Variants in PRSS55 observed in about 807,000 individuals in gnomAD.
PRSS55 encodes probable serine protease UNQ9391/PRO34284.
PRSS55 carries 41 observed loss-of-function variants against 23.6 expected under a neutral mutation model. The ratio of observed to expected loss-of-function variants is 1.74; its 90% CI spans 1.35 to 2.26. PRSS55 has a LOEUF of 2.26. PRSS55 is among the 30% of genes most tolerant of loss of function. The pLI is 0.00. For missense variants in PRSS55, 669 were observed against 439.1 expected, an observed-to-expected ratio of 1.52 and a Z score of -4.68; for synonymous variants, 262 against 175.5, an observed-to-expected ratio of 1.49 and a Z score of -3.90.
At chr8:10,543,423 TCTTCCTTCCTTCCTTCCTTCCATC>T (rs1812717951), downstream of PRSS55, among the ~76,000 whole-genome samples, 1 of 71,472 alleles carries the variant, frequency 1.4e-5, no homozygotes, top group Non-Finnish European at 3.3e-5. Flanking sequence ...CTTCTTTCTT[TCTTCCTTCCTTCCTTCCTTCCATC>T]CTTCCTTCCT....
intron 1 of PRSS55, 169 bp from the exon 2 acceptor site, chr8:10,529,338 G>C: frequency 1.5e-6 from 1 of 670,592 alleles, no homozygotes; most frequent in Non-Finnish European, 2.7e-6. Context: ...CCATCTGCCG[G>C]CTGATGTCAC....
rs12547380 is a variant in PRSS55, at chr8:10,536,616, C to T, written c.742-1860C>T. ...GTAGCAAAGACATGGGATCAAACTA[C>T]ATGTCCTTCGATGGTGAACTGGATA... On this transcript the variant is annotated intron_variant, in intron 4 of 4. Coordinates refer to ENST00000328655, the MANE Select transcript of PRSS55 (RefSeq NM_198464.4). Among the ~76,000 whole-genome samples, 24 of 152,094 alleles carry T rather than the reference C, an allele frequency of 1.6e-4. No individual in the cohort carries two copies. In the South Asian group the frequency reaches 4.2e-3, roughly 26 times the overall value.
chr8:10,543,118 C>G (rs956174153), downstream of PRSS55, among the ~76,000 whole-genome samples: 3 of 152,088 alleles, frequency 2.0e-5, no homozygotes, highest in Admixed American at 2.0e-4. Context: ...ATGTGAGGCC[C>G]TCAACCCAGG....
At chr8:10,546,151 A>G (rs970376491) in intron 4 of PRSS55, among the ~76,000 whole-genome samples, 2 of 152,184 alleles carry the variant, frequency 1.3e-5, no homozygotes, top group Non-Finnish European at 2.9e-5. Flanking sequence ...GAAGCTGGCC[A>G]TGGCTCAAAA....
In PRSS55 at chr8:10,525,717, T is replaced by A. The variant is rs1415600209; in HGVS notation, c.132T>A (p.Pro44=). 6.2e-7 allele frequency: 1 copy of A among 1,610,208 alleles called. No homozygotes were observed. The highest frequency in any genetic ancestry group is 1.1e-5 in the South Asian group (1 of 90,400). The change falls in exon 1 of 5, where the codon CCT becomes CCA. Residue 44 remains proline (P), a synonymous_variant. Transcript: ENST00000328655. The stretch of plus-strand genomic sequence containing the variant: ...GGGGAGCCCACCGCCCTCAGCCCCC[T>A]CATCCCCCCAGCCCAGTCAGTGGTG... The part of the protein sequence containing the change: ...RARGAHRPQP[P]HPPSPVSECG...
Position 10,525,594 on chromosome 8 carries a change from G to A in PRSS55, c.9G>A (p.Leu3=), listed in dbSNP as rs1222653456. The A allele has an allele frequency of 6.2e-7, 1 of 1,614,022 alleles. No homozygotes were observed. The highest frequency in any genetic ancestry group is 8.5e-7 in the Non-Finnish European group (1 of 1,179,968). The change falls in exon 1 of 5, where the codon CTG becomes CTA. Residue 3 remains leucine, a synonymous_variant. Transcript: ENST00000328655. Reference sequence around the variant, plus strand: ...CAGCACAGCCCAGGGCCATGCTCCTGTTCTCAGTGTTGCTGCTCCTGTCCC... The same window carrying A: ...CAGCACAGCCCAGGGCCATGCTCCTATTCTCAGTGTTGCTGCTCCTGTCCC... ML[L]FSVLLLLSLV...
chr8:10,532,852 A>C, intron 3 of PRSS55, 54 bp from the exon 4 acceptor site: 1 of 1,609,568 alleles, frequency 6.2e-7, no homozygotes, highest in Admixed American at 1.7e-5. Flanking sequence ...TGCATCACGA[A>C]CGTGGGGACA....
At chr8:10,533,104 A>G in intron 4 of PRSS55, 56 bp downstream of exon 4, 1 of 1,567,988 alleles carries the variant, frequency 6.4e-7, no homozygotes, top group Non-Finnish European at 8.7e-7. Context: ...GGGAACTGCC[A>G]GTGCAAGGGT....
chr8:10,551,205 C>A (rs779090144), intron 4 of PRSS55, among the ~76,000 whole-genome samples: 5 of 152,196 alleles, frequency 3.3e-5, no homozygotes, highest in Non-Finnish European at 7.4e-5. Context: ...GGTTGAAAGG[C>A]ACAGGAAGCA....
Position 10,538,482 on chromosome 8 carries a change from A to T in PRSS55, c.748A>T (p.Ser250Cys). The change falls in exon 5 of 5, where the codon AGT (serine) becomes TGT (cysteine). Residue 250 changes from serine to cysteine, a missense_variant. Ser to Cys is a moderately radical substitution (Grantham distance 112). Coordinates refer to ENST00000328655, the MANE Select transcript of PRSS55 (RefSeq NM_198464.4). ...NESYDACKGD[S>C]GGPLVCTPEP... ...CTGTGTTCTCTGCCCACAGGGTGAC[A>T]GTGGGGGGCCTCTGGTCTGCACCCC... is the stretch of plus-strand genomic sequence containing the variant. The T allele has an allele frequency of 6.2e-7, 1 of 1,611,436 alleles. No homozygotes were observed. The highest frequency in any genetic ancestry group is 8.5e-7 in the Non-Finnish European group (1 of 1,178,484).
At chr8:10,537,535 G>A (rs1379290669) in intron 4 of PRSS55, among the ~76,000 whole-genome samples, 1 of 151,992 alleles carries the variant, frequency 6.6e-6, no homozygotes, top group Admixed American at 6.6e-5. Context: ...CTGGTATTTG[G>A]TAGCACAATA....
chr8:10,535,497 G>C (rs1812423371), intron 4 of PRSS55, among the ~76,000 whole-genome samples: 1 of 152,192 alleles, frequency 6.6e-6, no homozygotes, highest in Non-Finnish European at 1.5e-5. Context: ...AATGGTGTTG[G>C]GATAACTGGC....
intron 4 of PRSS55, among the ~76,000 whole-genome samples, chr8:10,546,418 A>G (rs1417507560): frequency 6.6e-6 from 1 of 152,156 alleles, no homozygotes; most frequent in Non-Finnish European, 1.5e-5. Context: ...CCTCCCTGCA[A>G]CAGGATCAAG....
intron 4 of PRSS55, among the ~76,000 whole-genome samples, chr8:10,548,156 G>T (rs1812864270): frequency 6.6e-6 from 1 of 152,238 alleles, no homozygotes; most frequent in South Asian, 2.1e-4. Context: ...TCCTTAGGGA[G>T]CTGGGGCGGG....
intron 1 of PRSS55, among the ~76,000 whole-genome samples, 189 bp downstream of exon 1, chr8:10,525,928 T>G (rs1310577398): frequency 2.0e-5 from 3 of 152,152 alleles, no homozygotes; most frequent in Admixed American, 1.3e-4. Context: ...TGAGTTTTGG[T>G]TTTGAAACCT....
chr8:10,537,114 C>T (rs541017416), intron 4 of PRSS55, among the ~76,000 whole-genome samples: 2 of 152,298 alleles, frequency 1.3e-5, no homozygotes, highest in African/African-American at 4.8e-5. Context: ...GATCCAGCAA[C>T]CCCACTTCTG....
At chr8:10,547,004 G>A (rs76269248) in intron 4 of PRSS55, among the ~76,000 whole-genome samples, 3,273 of 152,236 alleles carry the variant, frequency 0.021, 103 homozygotes, top group African/African-American at 0.066. Context: ...TTGACCAAGA[G>A]TACAGAATCC....
chr8:10,533,486 TG>T (rs1250746067), intron 4 of PRSS55, among the ~76,000 whole-genome samples: 1 of 152,156 alleles, frequency 6.6e-6, no homozygotes, highest in African/African-American at 2.4e-5. Flanking sequence ...GGACAGGCAG[TG>T]GATAAACAAA....
At chr8:10,548,904 T>G (rs1812886805) in intron 4 of PRSS55, among the ~76,000 whole-genome samples, 1 of 151,660 alleles carries the variant, frequency 6.6e-6, no homozygotes, top group African/African-American at 2.4e-5. Context: ...GCCCCAGAGA[T>G]CAAAGTCAAA....
Sources: allele counts gnomAD v4.1 joint callset (sites outside exome capture counted in the v4.1 genomes callset), GRCh38; gene constraint gnomAD v4.1.1; transcripts MANE v1.5; gene names NCBI Gene and HGNC (gene_info 2026-07-23, HGNC 2026-07-21).